The following CRACR2B variants were observed in gnomAD, a reference collection of about 807,000 sequenced individuals.
CRACR2B encodes the protein calcium release activated channel regulator 2B, also known as EF-hand calcium-binding domain-containing protein 4A.
A neutral mutation model predicts 46.0 loss-of-function variants in CRACR2B; 50 were observed. The ratio of observed to expected loss-of-function variants is 1.09; its 90% confidence interval spans 0.87 to 1.38. The LOEUF (loss-of-function observed/expected upper bound fraction) is 1.38. Ranked by LOEUF, CRACR2B falls within the 40% of genes most tolerant of loss-of-function variation. The pLI is 0.00. For synonymous variants in CRACR2B, 277 were observed against 239.6 expected (o/e 1.16, Z -1.44); for missense variants, 667 against 535.0 (o/e 1.25, Z -2.43).
chr11:830,192 G>T, intron 4 of CRACR2B, 58 bp from the exon 5 acceptor site: 1 of 1,493,054 alleles, frequency 6.7e-7, no homozygotes, highest in Non-Finnish European at 8.9e-7. Flanking sequence ...AGCAGAGGCG[G>T]TGCCAGGGGG....
intron 5 of CRACR2B, 56 bp from the exon 6 acceptor site, chr11:830,565 C>T (rs1565106853): frequency 5.2e-6 from 8 of 1,548,222 alleles, no homozygotes; most frequent in African/African-American, 1.4e-5. Context: ...CTCCGTGTAC[C>T]TCTTTTGCAT....
At chr11:826,304 G>C (rs935151442), upstream of CRACR2B, 4 of 152,330 alleles carry the variant, frequency 2.6e-5, no homozygotes, top group African/African-American at 9.7e-5. Flanking sequence ...GGGCTGGGGA[G>C]GGCTCCTCGG....
At chr11:827,342 C>G (rs76352853), upstream of CRACR2B, 6,634 of 156,388 alleles carry the variant, frequency 0.042, 335 homozygotes, top group East Asian at 0.23. Context: ...GGTCCCGCCG[C>G]TGAGGCCCCT....
intron 3 of CRACR2B, 183 bp downstream of exon 3, chr11:829,723 C>T: frequency 9.8e-7 from 1 of 1,018,826 alleles, no homozygotes; most frequent in Non-Finnish European, 1.4e-6. Flanking sequence ...ATTTGCATTT[C>T]ATGAGGCAGC....
At position 830,769 on chromosome 11, in the gene CRACR2B, G is replaced by C. The variant is rs1231911334; in HGVS notation, c.786+56G>C. The stretch of plus-strand genomic sequence containing the variant: ...GGTCACCCGTGCACTCTCCCCCTGT[G>C]CCTTAGCGTCCCCGGGTTGTCGGGA... On this transcript the variant is annotated intron_variant, in intron 6 of 8. Transcript: ENST00000525077. The C allele has an allele frequency of 2.7e-6, 4 of 1,486,478 alleles. No homozygotes were observed. The Admixed American group carries it at 8.7e-5, about 32-fold the overall frequency. 92.1% of individuals were successfully genotyped at this position (1,486,478 alleles called of 1,614,324 possible). A position where few individuals can be genotyped will look rare whatever the true frequency, so the allele number is the denominator to read the frequency against.
Position 831,640 on chromosome 11 carries a change from C to G in CRACR2B, c.1131C>G (p.Thr377=), listed in dbSNP as rs1565111524. Residue 377 remains threonine, a synonymous_variant, in exon 9 of 9, where the codon ACC becomes ACG. Transcript: ENST00000525077. ...ALTTARLPGP[T]CCCCCCWARP... ...CAACAGCCCGCCTGCCTGGGCCCAC[C>G]TGCTGCTGCTGCTGTTGCTGGGCTC... 2 of 1,529,406 alleles carry G rather than the reference C, an allele frequency of 1.3e-6. No individual in the cohort carries two copies. The highest frequency in any genetic ancestry group is 1.7e-6 in the Non-Finnish European group (2 of 1,145,140). 94.7% of individuals were successfully genotyped at this position (1,529,406 alleles called of 1,614,324 possible).
intron 3 of CRACR2B, 117 bp from the exon 4 acceptor site, chr11:829,869 G>A (rs1252411024): frequency 1.4e-6 from 2 of 1,436,672 alleles, no homozygotes; most frequent in Admixed American, 5.4e-5. Flanking sequence ...CCTGCACGCA[G>A]CAAGTGCTCC....
rs1565108720 is a variant in CRACR2B, at chr11:831,039, TG to T, written c.953+10del. ...GCCAGGAGCAAACCCAACGGTGCCG[TG>T]GGACGGGGCTGGGCGGGCCCCGGTG... is the stretch of plus-strand genomic sequence containing the variant. On this transcript the variant is annotated splice_region_variant and intron_variant, in intron 7 of 8. Transcript: ENST00000525077. The T allele has an allele frequency of 2.3e-5, 36 of 1,535,434 alleles. No homozygotes were observed. The highest frequency in any genetic ancestry group is 3.1e-5 in the Non-Finnish European group (35 of 1,146,454).
At chr11:829,269 G>A (rs1362468401) in intron 2 of CRACR2B, 91 bp from the exon 3 acceptor site, 1 of 1,498,880 alleles carries the variant, frequency 6.7e-7, no homozygotes, top group African/African-American at 1.4e-5. Flanking sequence ...TGGGCCCTGA[G>A]AGAGGGCAGG....
At position 830,998 on chromosome 11, in the gene CRACR2B, A is replaced by G; in HGVS notation, c.919A>G (p.Ser307Gly). The change falls in exon 7 of 9, where the codon AGC becomes GGC. Residue 307 changes from serine (S) to glycine (G), a missense_variant. Physicochemically the swap from Ser to Gly is moderately conservative, Grantham distance 56 (BLOSUM62 0). Transcript: ENST00000525077. The part of the protein sequence containing the change: ...GAQEQIRRLE[S>G]EARGRQEQTQ... ...GCAGGAGCAGATCCGCAGGCTGGAG[A>G]GCGAAGCACGAGGCCGCCAGGAGCA... 1 of 1,533,728 alleles carries G rather than the reference A, an allele frequency of 6.5e-7. No individual in the cohort carries two copies. The highest frequency in any genetic ancestry group is 8.7e-7 in the Non-Finnish European group (1 of 1,146,614).
rs531444090 is a variant in CRACR2B, at chr11:828,364, G to A, written c.-244G>A. 60 of 508,638 alleles carry A rather than the reference G, an allele frequency of 1.2e-4. No homozygotes were observed. Among genetic ancestry groups the A allele is most frequent in the African/African-American group, 1.1e-3 (56 of 49,790 alleles). The allele number at this position is 508,638 out of a possible 1,614,324, so 31.5% of individuals were successfully genotyped here. ...GCCTCCTGAGATGCCAGACCCACTG[G>A]GGCAGTACCCACAGGCCCTGAGCCT... On this transcript the variant is annotated 5_prime_UTR_variant, in exon 1 of 9. Transcript: ENST00000525077.
upstream of CRACR2B, chr11:827,673 C>G (rs553290761): frequency 1.6e-5 from 6 of 378,518 alleles, no homozygotes; most frequent in South Asian, 6.4e-4. Flanking sequence ...TTCTCTCACC[C>G]GCCCAGACTT....
Position 828,916 on chromosome 11 carries a change from G to A in CRACR2B, c.230G>A (p.Arg77Gln), listed in dbSNP as rs7126805. 1,113,228 of 1,607,424 alleles carry A rather than the reference G, an allele frequency of 0.69. 393,608 individuals carry two copies. The highest frequency in any genetic ancestry group is 0.8 in the Admixed American group (47,707 of 59,994). The change falls in exon 2 of 9, where the codon CGG (arginine) becomes CAG (glutamine). Residue 77 changes from arginine to glutamine, a missense_variant. Coordinates refer to ENST00000525077, the MANE Select transcript of CRACR2B (RefSeq NM_001286606.2). ...QLEAVFESLD[R>Q]AHTGFLTARE... ...GAGGCTGTGTTTGAAAGTCTGGACCGGGCTCACACTGGCTTCCTCACCGCC... is the reference window on the plus strand; with the variant it reads ...GAGGCTGTGTTTGAAAGTCTGGACCAGGCTCACACTGGCTTCCTCACCGCC...
upstream of CRACR2B, chr11:827,559 C>T (rs1239121138): frequency 5.1e-6 from 5 of 985,092 alleles, no homozygotes; most frequent in Admixed American, 1.2e-4. Context: ...CCTGCTGCCG[C>T]GCGGCTTCCG....
chr11:828,309 C>A lies in CRACR2B; in HGVS notation c.-299C>A. ...TGCCATCACCTCCAGCTCCTCCTCT[C>A]CTGAAGTTGGCAGCCCCTCCTGGGT... On this transcript the variant is annotated 5_prime_UTR_variant, in exon 1 of 9. Coordinates refer to ENST00000525077, the MANE Select transcript of CRACR2B (RefSeq NM_001286606.2). 1 of 396,496 alleles carries A rather than the reference C, an allele frequency of 2.5e-6. No homozygotes were observed. The highest frequency in any genetic ancestry group is 4.5e-6 in the Non-Finnish European group (1 of 221,484). 24.6% of individuals were successfully genotyped at this position (396,496 alleles called of 1,614,324 possible).
chr11:830,388 C>G (rs1011686598), intron 5 of CRACR2B, 51 bp downstream of exon 5: 1 of 1,536,452 alleles, frequency 6.5e-7, no homozygotes. Context: ...ACCTCGCTGG[C>G]CTCCCTGGCT....
intron 2 of CRACR2B, 154 bp downstream of exon 2, chr11:829,117 C>T: frequency 7.8e-7 from 1 of 1,278,458 alleles, no homozygotes; most frequent in Admixed American, 2.0e-5. Context: ...CTGGGGGCTC[C>T]TAGCTGCGGT....
At chr11:830,395 G>A (rs1846304050) in intron 5 of CRACR2B, 58 bp downstream of exon 5, 4 of 1,536,274 alleles carry the variant, frequency 2.6e-6, no homozygotes, top group Non-Finnish European at 3.5e-6. Flanking sequence ...TGGCCTCCCT[G>A]GCTCCGCCTT....
chr11:830,804 A>G (rs1846350335), intron 6 of CRACR2B, 62 bp from the exon 7 acceptor site: 1 of 1,483,194 alleles, frequency 6.7e-7, no homozygotes, highest in Non-Finnish European at 8.9e-7. Context: ...AGCCTGGGGC[A>G]CGCGCAGCAC....
Sources: allele counts gnomAD v4.1 joint callset, GRCh38; gene constraint gnomAD v4.1.1; transcripts MANE v1.5; gene names NCBI Gene and HGNC (gene_info 2026-07-23, HGNC 2026-07-21).